EDARADD: variants seen among roughly 807,000 people sequenced by gnomAD.
EDARADD encodes the protein ectodysplasin-A receptor-associated adapter protein.
EDARADD carries 20 observed loss-of-function variants against 25.6 expected under a neutral mutation model. The ratio of observed to expected loss-of-function variants is 0.78; its 90% CI spans 0.55 to 1.14. The LOEUF is 1.14. EDARADD is among the 50% of genes most tolerant of loss of function. The probability of loss-of-function intolerance (pLI) is 0.00; values close to 1 mark genes in which losing one functional copy is unlikely to be tolerated. For missense variants in EDARADD, 225 were observed against 270.1 expected (o/e 0.83, Z 1.17); for synonymous variants, 86 against 94.4 (o/e 0.91, Z 0.52).
chr1:236,405,542 T>C (rs1246677740), intron 1 of EDARADD, among the ~76,000 whole-genome samples: 1 of 152,188 alleles, frequency 6.6e-6, no homozygotes, highest in Non-Finnish European at 1.5e-5. Context: ...AGGTCACACC[T>C]CTAGGCTTGT....
intron 5 of EDARADD, among the ~76,000 whole-genome samples, chr1:236,481,842 G>T (rs886152196): frequency 6.6e-6 from 1 of 150,772 alleles, no homozygotes; most frequent in African/African-American, 2.4e-5. Flanking sequence ...GGCCAGGCAC[G>T]GTGGCTCATG....
rs187075480 is a variant in EDARADD at position 236,377,587 on chromosome 1, T to C, written c.-6+26748T>C. On this transcript the variant is annotated intron_variant, in intron 3 of 7. Transcript: ENST00000439430. The stretch of plus-strand genomic sequence containing the variant: ...CAAACTGTATTTTTTTGGCTGAGCG[T>C]GGTGGCTCACGCCTGTAATCCCAGC... Among the ~76,000 whole-genome samples, 431 of 148,974 alleles carry C rather than the reference T, an allele frequency of 2.9e-3. 5 individuals are homozygous for C. Among genetic ancestry groups the C allele is most frequent in the African/African-American group, 9.5e-3 (389 of 40,878 alleles).
intron 3 of EDARADD, among the ~76,000 whole-genome samples, chr1:236,372,914 A>ATT (rs34634477): frequency 0.54 from 61,378 of 113,428 alleles, 18,165 homozygotes; most frequent in South Asian, 0.56. Context: ...CTCTTCTTAC[A>ATT]TTTTTTTTTT....
In EDARADD at chr1:236,363,769, G is replaced by C. The variant is rs1362342031; in HGVS notation, c.-6+12930G>C. On this transcript the variant is annotated intron_variant, in intron 3 of 7. Transcript: ENST00000439430. ...CAGCTCCCCTTTTGCCTTCTGCCAC[G>C]GTTGTTTCCTGAGGCCTCCCTAGAA... Among the ~76,000 whole-genome samples the C allele has an allele frequency of 2.6e-5, 4 of 152,052 alleles. No individual in the cohort carries two copies. In the East Asian group the frequency reaches 7.8e-4, roughly 30 times the overall value.
intron 5 of EDARADD, among the ~76,000 whole-genome samples, chr1:236,477,112 TTGTTAA>T: frequency 6.6e-6 from 1 of 151,778 alleles, no homozygotes; most frequent in South Asian, 2.1e-4. Flanking sequence ...GAATTAACCA[TTGTTAA>T]TATTTTTGTT....
At chr1:236,349,406 T>C (rs1277328223) in intron 2 of EDARADD, among the ~76,000 whole-genome samples, 1 of 152,190 alleles carries the variant, frequency 6.6e-6, no homozygotes, top group Non-Finnish European at 1.5e-5. Context: ...GTGGCCATGT[T>C]GCGTGACATG....
At chr1:236,370,042 C>T (rs191102115) in intron 3 of EDARADD, among the ~76,000 whole-genome samples, 15 of 152,200 alleles carry the variant, frequency 9.9e-5, no homozygotes, top group Non-Finnish European at 2.1e-4. Context: ...GTTCAGAAGT[C>T]CCTATTAACT....
intron 3 of EDARADD, among the ~76,000 whole-genome samples, chr1:236,364,154 CCA>C (rs1667085441): frequency 6.6e-6 from 1 of 152,028 alleles, no homozygotes; most frequent in Admixed American, 6.6e-5. Flanking sequence ...AATAAATTCC[CCA>C]GTCTTGATAG....
intron 4 of EDARADD, among the ~76,000 whole-genome samples, chr1:236,446,956 G>A (rs980667696): frequency 6.6e-6 from 1 of 152,126 alleles, no homozygotes; most frequent in Non-Finnish European, 1.5e-5. Flanking sequence ...GAGATGTGGT[G>A]GTAAACAAAA....
Position 236,444,356 on chromosome 1 carries a change from C to T in EDARADD, c.219+16906C>T, listed in dbSNP as rs190429481. 4.9e-3 allele frequency among the ~76,000 whole-genome samples: 741 copies of T among 152,202 alleles called. 5 individuals are homozygous for T. The highest frequency in any genetic ancestry group is 0.016 in the African/African-American group (673 of 41,520). ...CCATTATTAGGCCCACTTTACACAT[C>T]GAGATCCAGAGAGGTTAAATAATTT... On this transcript the variant is annotated intron_variant, in intron 4 of 5. Transcript: ENST00000334232.
chr1:236,355,633 C>T (rs1193790881), intron 3 of EDARADD, among the ~76,000 whole-genome samples: 1 of 151,372 alleles, frequency 6.6e-6, no homozygotes, highest in African/African-American at 2.4e-5. Context: ...ACTCAGCCTC[C>T]CAAGTAGCTG....
intron 3 of EDARADD, among the ~76,000 whole-genome samples, chr1:236,358,624 A>G (rs995354536): frequency 8.5e-5 from 13 of 152,182 alleles, no homozygotes; most frequent in African/African-American, 3.1e-4. Context: ...TAATTTCATT[A>G]TTTACCCAAG....
At chr1:236,420,832 C>T (rs979949611) in intron 3 of EDARADD, among the ~76,000 whole-genome samples, 2 of 149,780 alleles carry the variant, frequency 1.3e-5, no homozygotes, top group Admixed American at 1.4e-4. Context: ...CTCCTGAGTT[C>T]AAGCAATTCT....
intron 3 of EDARADD, among the ~76,000 whole-genome samples, chr1:236,361,650 T>TATATATATATATATATATATA (rs1553262114): frequency 2.0e-5 from 3 of 149,112 alleles, no homozygotes; most frequent in African/African-American, 5.0e-5. Flanking sequence ...TATATATATA[T>TATATATATATATATATATATA]TCCTTCATAC....
rs573540550 is a variant in EDARADD at position 236,464,161 on chromosome 1, C to T, written c.220-4070C>T. On this transcript the variant is annotated intron_variant, in intron 4 of 5. Transcript: ENST00000334232. ...CTGGTATCAGCCGGCCACCACCCGG[C>T]TAGAACGGCTTTCAAAATCGCTGCT... is the stretch of plus-strand genomic sequence containing the variant. Among the ~76,000 whole-genome samples, 242 of 152,240 alleles carry T rather than the reference C, an allele frequency of 1.6e-3. 1 individual carries two copies. The highest frequency in any genetic ancestry group is 2.4e-3 in the Non-Finnish European group (164 of 68,020).
At chr1:236,389,939 C>T (rs1032139709), upstream of EDARADD, among the ~76,000 whole-genome samples, 1 of 152,140 alleles carries the variant, frequency 6.6e-6, no homozygotes, top group African/African-American at 2.4e-5. Context: ...AACCTCAGGA[C>T]GACGACGCTG....
At chr1:236,466,764 A>G (rs1249750071) in intron 4 of EDARADD, among the ~76,000 whole-genome samples, 1 of 152,138 alleles carries the variant, frequency 6.6e-6, no homozygotes, top group Non-Finnish European at 1.5e-5. Flanking sequence ...AGAGAGAAAG[A>G]TTGTTTAAAA....
intron 3 of EDARADD, among the ~76,000 whole-genome samples, chr1:236,423,711 G>A (rs1208854868): frequency 6.6e-6 from 1 of 152,152 alleles, no homozygotes. Context: ...ATCTGTAATA[G>A]CAAAATATTT....
chr1:236,467,447 C>CAA (rs1553270576), intron 4 of EDARADD, among the ~76,000 whole-genome samples: 4 of 149,088 alleles, frequency 2.7e-5, no homozygotes, highest in Non-Finnish European at 5.9e-5. Flanking sequence ...CACACACACA[C>CAA]ACACACACAT....
Sources: allele counts gnomAD v4.1 joint callset (sites outside exome capture counted in the v4.1 genomes callset), GRCh38; gene constraint gnomAD v4.1.1; transcripts MANE v1.5; gene names NCBI Gene and HGNC (gene_info 2026-07-23, HGNC 2026-07-21).